The following NECTIN4 variants were observed in gnomAD, a reference collection of about 807,000 sequenced individuals.
NECTIN4 encodes nectin-4.
A neutral mutation model predicts 51.7 loss-of-function variants in NECTIN4; 19 were observed. The ratio of observed to expected loss-of-function variants is 0.37; its 90% CI spans 0.26 to 0.54. NECTIN4 has a LOEUF of 0.54. Among genes scored for constraint, NECTIN4 ranks in the 20% least tolerant of loss-of-function variants. NECTIN4 has a pLI of 0.86. For synonymous variants in NECTIN4, 283 were observed against 286.9 expected (o/e 0.99, Z 0.14); for missense variants, 619 against 662.4 (o/e 0.93, Z 0.72).
intron 1 of NECTIN4, among the ~76,000 whole-genome samples, chr1:161,082,504 G>A (rs919841264): frequency 3.3e-5 from 5 of 152,160 alleles, no homozygotes; most frequent in African/African-American, 1.2e-4. Flanking sequence ...GGCAGGCATG[G>A]AGGGAGGAAA....
At position 161,074,351 on chromosome 1, in the gene NECTIN4, C is replaced by T. The variant is rs1038445020; in HGVS notation, c.1023G>A (p.Lys341=). Reference sequence around the variant, plus strand: ...CCGAGGCTGACACTAGGTCCACCTGCTTCCCAGAGTCTTCCTGGGGGTCTG... The same window carrying T: ...CCGAGGCTGACACTAGGTCCACCTGTTTCCCAGAGTCTTCCTGGGGGTCTG... ...DVLDPQEDSG[K]QVDLVSASVV... is the part of the protein sequence containing the mutation. Residue 341 remains lysine (K), a synonymous_variant, in exon 6 of 9, where the codon AAG becomes AAA. Transcript: ENST00000368012. 5 of 1,613,982 alleles carry T rather than the reference C, an allele frequency of 3.1e-6. No individual in the cohort carries two copies. The African/African-American group carries it at 5.3e-5, about 17-fold the overall frequency.
intron 2 of NECTIN4, among the ~76,000 whole-genome samples, chr1:161,078,788 G>T (rs550161584): frequency 5.3e-4 from 80 of 151,990 alleles, no homozygotes; most frequent in Admixed American, 3.4e-3. Flanking sequence ...AAGACGAGCG[G>T]ATCACGAGGT....
chr1:161,076,287 T>C (rs1431853201), intron 4 of NECTIN4, 68 bp downstream of exon 4: 2 of 1,582,482 alleles, frequency 1.3e-6, no homozygotes, highest in Non-Finnish European at 1.7e-6. Context: ...TCCATAGTGG[T>C]ATATCCTGGC....
In NECTIN4 at chr1:161,074,306, G is replaced by A. The variant is rs577378575; in HGVS notation, c.1068C>T (p.Ile356=). ...VSASVVVVGV[I]AALLFCLLVV... ...CCAGAAGGCAGAACAAGAGTGCGGC[G>A]ATCACACCCACCACCACCACCGAGG... The change falls in exon 6 of 9, where the codon ATC becomes ATT. Residue 356 remains isoleucine (I), a synonymous_variant. Transcript: ENST00000368012. The A allele has an allele frequency of 5.9e-5, 95 of 1,613,490 alleles. No individual in the cohort carries two copies. The highest frequency in any genetic ancestry group is 3.2e-4 in the South Asian group (29 of 91,034).
At chr1:161,077,994 T>C (rs1052366923) in intron 2 of NECTIN4, among the ~76,000 whole-genome samples, 5 of 152,154 alleles carry the variant, frequency 3.3e-5, no homozygotes, top group African/African-American at 1.2e-4. Context: ...TAACCAGATA[T>C]CATCTACCTA....
chr1:161,085,697 C>CTTTT (rs397798727), intron 1 of NECTIN4, among the ~76,000 whole-genome samples: 3 of 133,904 alleles, frequency 2.2e-5, no homozygotes, highest in African/African-American at 8.3e-5. Flanking sequence ...TTCGCCTCCT[C>CTTTT]TTTTTTTTTT....
In NECTIN4 at chr1:161,072,785, T is replaced by C; in HGVS notation, c.1409A>G (p.Glu470Gly). Residue 470 changes from glutamate to glycine, a missense_variant, in exon 9 of 9, where the codon GAG becomes GGG. Glu to Gly is a moderately conservative substitution (Grantham distance 98). Transcript: ENST00000368012. ...LLSPGSGRAE[E>G]EEDQDEGIKQ... Reference sequence around the variant, plus strand: ...GATGCCTTCATCCTGATCTTCCTCCTCCTCGGCCCGCCCAGAGCCTGGAGA... The same window carrying C: ...GATGCCTTCATCCTGATCTTCCTCCCCCTCGGCCCGCCCAGAGCCTGGAGA... 1 of 1,614,212 alleles carries C rather than the reference T, an allele frequency of 6.2e-7. No homozygotes were observed. Among genetic ancestry groups the C allele is most frequent in the Non-Finnish European group, 8.5e-7 (1 of 1,180,034 alleles).
intron 2 of NECTIN4, 118 bp from the exon 3 acceptor site, chr1:161,077,861 T>C: frequency 1.1e-6 from 1 of 924,718 alleles, no homozygotes; most frequent in Non-Finnish European, 1.6e-6. Flanking sequence ...CCTTCTCTTA[T>C]TTCATGGAGA....
rs370578623 is a variant in NECTIN4 at position 161,079,605 on chromosome 1, G to T, written c.424C>A (p.Arg142=). 1.2e-5 allele frequency: 20 copies of T among 1,603,938 alleles called. No homozygotes were observed. In the African/African-American group the frequency reaches 2.1e-4, roughly 17 times the overall value. The change falls in exon 2 of 9, where the codon CGG becomes AGG. Residue 142 remains arginine (R), a synonymous_variant. Transcript: ENST00000368012. ...CCCCGCTTACCCAGCACTCGGAGCC[G>T]CAGCCGCGCCTGGAAGCTGCCGGCG... ...FPAGSFQARL[R]LRVLVPPLPS... is the part of the protein sequence containing the mutation.
At position 161,073,292 on chromosome 1, in the gene NECTIN4, T is replaced by A; in HGVS notation, c.1241A>T (p.Glu414Val). Residue 414 changes from glutamate to valine, a missense_variant, in exon 8 of 9, where the codon GAG becomes GTG. Coordinates refer to ENST00000368012, the MANE Select transcript of NECTIN4 (RefSeq NM_030916.3). Reference protein sequence around the residue: ...HHTDPRSQPEESVGLRAEGHP... With the variant: ...HHTDPRSQPEVSVGLRAEGHP... ...GCCCTCGGCTCTCAGCCCTACACTC[T>A]CCTCCGGCTGCAGGGCCCAGACACG... 1.2e-6 allele frequency: 2 copies of A among 1,613,986 alleles called. No individual in the cohort carries two copies. The highest frequency in any genetic ancestry group is 1.7e-6 in the Non-Finnish European group (2 of 1,179,898).
At chr1:161,076,320 C>G in intron 4 of NECTIN4, 35 bp downstream of exon 4, 4 of 1,613,436 alleles carry the variant, frequency 2.5e-6, no homozygotes, top group Non-Finnish European at 3.4e-6. Flanking sequence ...GGAACCTAGT[C>G]TCAAGTTAGG....
chr1:161,077,544 G>T lies in NECTIN4; in HGVS notation c.639C>A (p.Ser213Arg). The T allele has an allele frequency of 3.7e-6, 6 of 1,614,086 alleles. No individual in the cohort carries two copies. The highest frequency in any genetic ancestry group is 5.1e-6 in the Non-Finnish European group (6 of 1,180,040). The change falls in exon 3 of 9, where the codon AGC (serine) becomes AGA (arginine). Residue 213 changes from serine (S) to arginine (R), a missense_variant. By Grantham distance (110) the Ser-to-Arg change is moderately radical. Transcript: ENST00000368012. Reference protein sequence around the residue: ...AVTSEFHLVPSRSMNGQPLTC... With the variant: ...AVTSEFHLVPRRSMNGQPLTC... ...TCAGTGGCTGCCCATTCATGCTGCG[G>T]CTAGGCACCAAGTGGAACTCTGAGG...
Position 161,089,158 on chromosome 1 carries a change from G to T in NECTIN4, c.79+60C>A. The stretch of plus-strand genomic sequence containing the variant: ...CGTGTGTGTCTATGTGTTTGTGCAT[G>T]TGTGTCAGTGCCAGGTTGGGCTCAG... On this transcript the variant is annotated intron_variant, in intron 1 of 8. Transcript: ENST00000368012. The surrounding 1 kb of genome is among the most constrained non-coding windows in gnomAD (Gnocchi z 4.1). 6.9e-7 allele frequency: 1 copy of T among 1,444,404 alleles called. No individual in the cohort carries two copies. Among genetic ancestry groups the T allele is most frequent in the Non-Finnish European group, 9.7e-7 (1 of 1,027,188 alleles). The allele number at this position is 1,444,404 out of a possible 1,614,324, so 89.5% of individuals were successfully genotyped here.
chr1:161,071,276 A>T lies in NECTIN4; in HGVS notation c.*1385T>A, dbSNP rs1653132948. ...TCATTGAACTCCAGCCCCAACCCAG[A>T]GAAACATCCAGAAGAGCCTTGAATT... On this transcript the variant is annotated 3_prime_UTR_variant, in exon 9 of 9. Transcript: ENST00000368012. 1 of 152,152 alleles carries T rather than the reference A, an allele frequency of 6.6e-6. No individual in the cohort carries two copies. The highest frequency in any genetic ancestry group is 1.5e-5 in the Non-Finnish European group (1 of 68,024). 9.4% of individuals were successfully genotyped at this position (152,152 alleles called of 1,614,324 possible).
In NECTIN4 at chr1:161,072,789, C is replaced by T. The variant is rs769178524; in HGVS notation, c.1405G>A (p.Glu469Lys). ...ELLSPGSGRA[E>K]EEEDQDEGIK... is the part of the protein sequence containing the mutation. ...CCTTCATCCTGATCTTCCTCCTCCTCGGCCCGCCCAGAGCCTGGAGACAGC... is the reference window on the plus strand; with the variant it reads ...CCTTCATCCTGATCTTCCTCCTCCTTGGCCCGCCCAGAGCCTGGAGACAGC... The change falls in exon 9 of 9, where the codon GAG (glutamate) becomes AAG (lysine). Residue 469 changes from glutamate (E) to lysine (K), a missense_variant. Transcript: ENST00000368012. 12 of 1,614,136 alleles carry T rather than the reference C, an allele frequency of 7.4e-6. No individual in the cohort carries two copies. The highest frequency in any genetic ancestry group is 2.2e-5 in the South Asian group (2 of 91,092).
At position 161,074,220 on chromosome 1, in the gene NECTIN4, T is replaced by G; in HGVS notation, c.1154A>C (p.Lys385Thr). 6.2e-7 allele frequency: 1 copy of G among 1,614,120 alleles called. No homozygotes were observed. The highest frequency in any genetic ancestry group is 8.5e-7 in the Non-Finnish European group (1 of 1,180,018). The change falls in exon 6 of 9, where the codon AAA (lysine) becomes ACA (threonine). Residue 385 changes from lysine to threonine, a missense_variant. By Grantham distance (78) the Lys-to-Thr change is moderately conservative. Transcript: ENST00000368012. ...CCCAGGAGTGCCCAGTACTCACTAT[T>G]TCTGGGTCATCTGCTGGGCCTTGCG... ...HRRKAQQMTQ[K>T]YEEELTLTRE...
At position 161,074,294 on chromosome 1, in the gene NECTIN4, C is replaced by T; in HGVS notation, c.1080G>A (p.Leu360=). Residue 360 remains leucine (L), a synonymous_variant, in exon 6 of 9, where the codon TTG becomes TTA. Coordinates refer to ENST00000368012, the MANE Select transcript of NECTIN4 (RefSeq NM_030916.3). ...CCACCACCACCACCAGAAGGCAGAA[C>T]AAGAGTGCGGCGATCACACCCACCA... ...VVVVGVIAAL[L]FCLLVVVVVL... 3.1e-6 allele frequency: 5 copies of T among 1,613,980 alleles called. No homozygotes were observed. Among genetic ancestry groups the T allele is most frequent in the Middle Eastern group, 1.6e-4 (1 of 6,062 alleles).
chr1:161,079,104 A>G (rs1303055077), intron 2 of NECTIN4, among the ~76,000 whole-genome samples: 1 of 152,228 alleles, frequency 6.6e-6, no homozygotes, highest in African/African-American at 2.4e-5. Context: ...GTATGGCCAC[A>G]CCATTGCTGG....
Position 161,071,893 on chromosome 1 carries a change from A to AG in NECTIN4, c.*767dup, listed in dbSNP as rs984742810. ...AAAAATACAACTAATGGAAAGGGCA[A>AG]GAAAAAAAAAAGAAAAAAATTAAAA... On this transcript the variant is annotated 3_prime_UTR_variant, in exon 9 of 9. Coordinates refer to ENST00000368012, the MANE Select transcript of NECTIN4 (RefSeq NM_030916.3). The AG allele has an allele frequency of 2.0e-5, 3 of 152,040 alleles. No individual in the cohort carries two copies. The highest frequency in any genetic ancestry group is 7.2e-5 in the African/African-American group (3 of 41,408). The allele number at this position is 152,040 out of a possible 1,614,324, so 9.4% of individuals were successfully genotyped here.
Sources: gnomAD v4.1 joint callset for allele counts (sites outside exome capture counted in the v4.1 genomes callset) on GRCh38, gnomAD v4.1.1 for gene constraint, Gnocchi (gnomAD v3.1) non-coding constraint, MANE v1.5 for transcripts, NCBI Gene and HGNC (gene_info 2026-07-23, HGNC 2026-07-21) for gene names.